The following SCN11A variants were observed in gnomAD, a reference collection of about 807,000 sequenced individuals.
SCN11A encodes sodium channel protein type 11 subunit alpha.
SCN11A carries 122 observed loss-of-function variants against 162.2 expected under a neutral mutation model. The observed-to-expected ratio is 0.75, with a 90% CI of 0.65 to 0.87. The LOEUF is 0.87. SCN11A is among the 40% of genes least tolerant of loss of function. The probability of loss-of-function intolerance (pLI) is 0.00; values close to 1 mark genes in which losing one functional copy is unlikely to be tolerated. For missense variants in SCN11A, 2,015 were observed against 2,181.6 expected, an observed-to-expected ratio of 0.92 and a Z score of 1.52; for synonymous variants, 758 against 751.5, an observed-to-expected ratio of 1.01 and a Z score of -0.14.
chr3:38,898,026 G>A (rs1443251527), intron 17 of SCN11A, among the ~76,000 whole-genome samples: 8 of 152,002 alleles, frequency 5.3e-5, no homozygotes, highest in African/African-American at 1.9e-4. Context: ...CTTGAGCACA[G>A]GAGAGTTCAA....
At chr3:38,931,638 T>G (rs1407107738) in intron 7 of SCN11A, among the ~76,000 whole-genome samples, 1 of 152,228 alleles carries the variant, frequency 6.6e-6, no homozygotes, top group Non-Finnish European at 1.5e-5. Flanking sequence ...CATTTTTCCT[T>G]GGAGCATCCA....
At chr3:38,847,767 A>G (rs1231402739) in intron 29 of SCN11A, 25 bp from the exon 30 acceptor site, 1 of 1,445,868 alleles carries the variant, frequency 6.9e-7, no homozygotes, top group South Asian at 1.3e-5. Flanking sequence ...AAAAGTAAAT[A>G]AGTTTCCAGA....
intron 11 of SCN11A, among the ~76,000 whole-genome samples, chr3:38,917,406 A>C (rs1202078305): frequency 1.3e-5 from 2 of 152,258 alleles, no homozygotes; most frequent in Non-Finnish European, 2.9e-5. Context: ...AAAGACATGG[A>C]GGCAACCTGA....
rs767933758 is a variant in SCN11A, at chr3:38,894,632, A to G, written c.2736T>C (p.Asp912=). The G allele has an allele frequency of 2.5e-6, 4 of 1,614,026 alleles. No homozygotes were observed. The highest frequency in any genetic ancestry group is 2.5e-6 in the Non-Finnish European group (3 of 1,180,014). Residue 912 remains aspartate, a synonymous_variant, in exon 19 of 30, where the codon GAT becomes GAC. Transcript: ENST00000302328. ...SVPKTLGVRH[D]WTWLAPLAEE... is the part of the protein sequence containing the mutation. The stretch of plus-strand genomic sequence containing the variant: ...CCGCAAGTGGTGCCAACCAAGTCCA[A>G]TCATGCCTGACGCCCAGGGTCTTTG...
At chr3:38,968,104 T>C (rs1575341133) in intron 2 of SCN11A, among the ~76,000 whole-genome samples, 1 of 152,306 alleles carries the variant, frequency 6.6e-6, no homozygotes, top group East Asian at 1.9e-4. Context: ...AATGAAGACC[T>C]GTAGGAAATA....
At chr3:39,019,308 T>C (rs2031381830) in intron 2 of SCN11A, among the ~76,000 whole-genome samples, 1 of 152,082 alleles carries the variant, frequency 6.6e-6, no homozygotes, top group Admixed American at 6.5e-5. Flanking sequence ...AGTGACTCAG[T>C]GCTCAGGAGA....
intron 2 of SCN11A, among the ~76,000 whole-genome samples, chr3:39,020,777 A>G (rs1213085333): frequency 1.3e-5 from 2 of 152,202 alleles, no homozygotes; most frequent in African/African-American, 4.8e-5. Context: ...ACACTAACAC[A>G]GATATGTATA....
chr3:38,995,128 A>G (rs2030580704), intron 2 of SCN11A, among the ~76,000 whole-genome samples: 1 of 151,440 alleles, frequency 6.6e-6, no homozygotes, highest in Non-Finnish European at 1.5e-5. Flanking sequence ...GCTTTAATTT[A>G]AGAACTTTTT....
chr3:39,042,248 G>A (rs1026407771), intron 1 of SCN11A, among the ~76,000 whole-genome samples: 6 of 152,100 alleles, frequency 3.9e-5, no homozygotes, highest in Non-Finnish European at 7.3e-5. Flanking sequence ...CAGCCTGAGA[G>A]ACAGAGCAAG....
At chr3:39,045,402 T>C (rs932390721) in intron 1 of SCN11A, among the ~76,000 whole-genome samples, 1 of 152,050 alleles carries the variant, frequency 6.6e-6, no homozygotes, top group Non-Finnish European at 1.5e-5. Context: ...AACAAAATAT[T>C]AGCAAACCAG....
chr3:38,938,147 G>A (rs1006469243), intron 7 of SCN11A, among the ~76,000 whole-genome samples: 41 of 151,868 alleles, frequency 2.7e-4, no homozygotes, highest in Admixed American at 7.2e-4. Context: ...ACCAAACACC[G>A]CATATTCTCA....
intron 7 of SCN11A, among the ~76,000 whole-genome samples, chr3:38,929,109 C>A (rs1159605410): frequency 7.2e-6 from 1 of 138,526 alleles, no homozygotes; most frequent in Admixed American, 7.3e-5. Context: ...TATTCCCACA[C>A]TGTCAAAAAT....
intron 3 of SCN11A, among the ~76,000 whole-genome samples, chr3:38,959,039 C>A (rs993412824): frequency 6.6e-6 from 1 of 152,100 alleles, no homozygotes; most frequent in Admixed American, 6.5e-5. Flanking sequence ...TTTATCCTAA[C>A]CAGTAAGGGA....
intron 2 of SCN11A, among the ~76,000 whole-genome samples, chr3:38,963,305 A>G (rs1001492503): frequency 1.4e-5 from 2 of 145,614 alleles, no homozygotes; most frequent in African/African-American, 4.9e-5. Context: ...AACAACCTAA[A>G]TGCCCATCAA....
chr3:38,940,403 A>G (rs1046972247), intron 7 of SCN11A, among the ~76,000 whole-genome samples: 1 of 152,194 alleles, frequency 6.6e-6, no homozygotes, highest in African/African-American at 2.4e-5. Context: ...AAAATTCTCA[A>G]AAGGAACCTC....
intron 5 of SCN11A, 107 bp from the exon 6 acceptor site, chr3:38,947,014 C>T: frequency 1.5e-6 from 1 of 686,876 alleles, no homozygotes; most frequent in South Asian, 1.9e-5. Flanking sequence ...AAAATTATAA[C>T]ATAAACTGTT....
chr3:39,003,346 G>A (rs1413923987), intron 2 of SCN11A, among the ~76,000 whole-genome samples: 1 of 152,150 alleles, frequency 6.6e-6, no homozygotes, highest in African/African-American at 2.4e-5. Flanking sequence ...CCACATTTCT[G>A]CAAAAGACAT....
rs554362433 is a variant in SCN11A at position 38,953,708 on chromosome 3, C to T, written c.-87G>A. ...AGAGTGCAAGAAAAGGAGGGCACTG[C>T]GAGGGAATAAATTTGGTTTGCAACA... On this transcript the variant is annotated 5_prime_UTR_variant, in exon 4 of 30. Transcript: ENST00000302328. Among the ~76,000 whole-genome samples the T allele has an allele frequency of 3.9e-5, 6 of 152,084 alleles. No homozygotes were observed. Among genetic ancestry groups the T allele is most frequent in the African/African-American group, 9.6e-5 (4 of 41,476 alleles).
chr3:38,985,669 A>G (rs993995979), intron 2 of SCN11A, among the ~76,000 whole-genome samples: 6 of 151,012 alleles, frequency 4.0e-5, no homozygotes, highest in Non-Finnish European at 8.8e-5. Flanking sequence ...TGGATTTTGG[A>G]CTGAACAACA....
Sources: allele counts gnomAD v4.1 joint callset (sites outside exome capture counted in the v4.1 genomes callset), GRCh38; gene constraint gnomAD v4.1.1; transcripts MANE v1.5; gene names NCBI Gene and HGNC (gene_info 2026-07-23, HGNC 2026-07-21).